RNFT2: variants seen among roughly 807,000 people sequenced by gnomAD.
RNFT2 encodes the protein E3 ubiquitin-protein ligase RNFT2.
RNFT2 carries 36 observed loss-of-function variants against 53.0 expected under a neutral mutation model. The observed-to-expected ratio is 0.68, with a 90% CI of 0.52 to 0.90. The LOEUF (loss-of-function observed/expected upper bound fraction) is 0.90. Among genes scored for constraint, RNFT2 ranks in the 40% least tolerant of loss-of-function variants. The pLI is 0.00. For missense variants in RNFT2, 514 were observed against 585.6 expected (o/e 0.88, Z 1.26); for synonymous variants, 260 against 253.2 (o/e 1.03, Z -0.26).
intron 3 of RNFT2, 82 bp downstream of exon 3, chr12:116,741,176 C>T: frequency 1.9e-6 from 2 of 1,059,228 alleles, no homozygotes; most frequent in Admixed American, 4.0e-5. Flanking sequence ...TTGAACAATA[C>T]CTCACCCTCA....
chr12:116,818,760 G>GT (rs1460826675), intron 7 of RNFT2, among the ~76,000 whole-genome samples: 20 of 152,218 alleles, frequency 1.3e-4, no homozygotes, highest in Non-Finnish European at 7.3e-5. Context: ...TCTGCAGCAA[G>GT]TAACTTGACC....
At chr12:116,739,154 C>G (rs1871470717) in intron 1 of RNFT2, among the ~76,000 whole-genome samples, 1 of 152,202 alleles carries the variant, frequency 6.6e-6, no homozygotes, top group Non-Finnish European at 1.5e-5. Context: ...CACCATCTGA[C>G]TGATATAGAC....
intron 10 of RNFT2, among the ~76,000 whole-genome samples, chr12:116,845,252 A>C (rs1413340457): frequency 8.6e-6 from 1 of 115,682 alleles, no homozygotes; most frequent in Admixed American, 7.7e-5. Flanking sequence ...TCAAAAAAAA[A>C]AAAAAAATAT....
intron 10 of RNFT2, among the ~76,000 whole-genome samples, chr12:116,841,846 A>AAAATAT (rs1555210424): frequency 1.7e-4 from 4 of 23,334 alleles, no homozygotes; most frequent in Non-Finnish European, 3.0e-4. Context: ...TATATATATA[A>AAAATAT]ATATATATAA....
intron 5 of RNFT2, among the ~76,000 whole-genome samples, chr12:116,759,359 G>T (rs923461129): frequency 1.3e-5 from 2 of 152,076 alleles, no homozygotes; most frequent in South Asian, 4.1e-4. Flanking sequence ...TCTTTTTCAG[G>T]TAAATCAGGG....
intron 6 of RNFT2, among the ~76,000 whole-genome samples, chr12:116,768,832 G>A (rs1873040088): frequency 6.6e-6 from 1 of 151,274 alleles, no homozygotes; most frequent in Non-Finnish European, 1.5e-5. Flanking sequence ...CCAGGTTCAA[G>A]TGATTCTCCT....
At chr12:116,827,490 G>C (rs1876402792) in intron 7 of RNFT2, among the ~76,000 whole-genome samples, 1 of 151,952 alleles carries the variant, frequency 6.6e-6, no homozygotes, top group Non-Finnish European at 1.5e-5. Context: ...GAAATCCTGG[G>C]GATGTGTTAG....
intron 7 of RNFT2, among the ~76,000 whole-genome samples, chr12:116,784,515 C>T (rs1873847746): frequency 6.6e-6 from 1 of 152,154 alleles, no homozygotes; most frequent in Non-Finnish European, 1.5e-5. Context: ...GAGGCTCTTT[C>T]ATCTGGGGCC....
In RNFT2 at chr12:116,750,219, C is replaced by T. The variant is rs1285510659; in HGVS notation, c.462C>T (p.Ser154=). 2 of 1,606,618 alleles carry T rather than the reference C, an allele frequency of 1.2e-6. No individual in the cohort carries two copies. The highest frequency in any genetic ancestry group is 2.2e-5 in the East Asian group (1 of 44,774). Reference sequence around the variant, plus strand: ...CTGGGACGCCCGCCCCCGCCCTGTCCGAGCTGAAGGCTGTGATCTGCTGGC... The same window carrying T: ...CTGGGACGCCCGCCCCCGCCCTGTCTGAGCTGAAGGCTGTGATCTGCTGGC... The part of the protein sequence containing the change: ...EQPGTPAPAL[S]ELKAVICWLQ... The change falls in exon 4 of 11, where the codon TCC becomes TCT. Residue 154 remains serine (S), a synonymous_variant. Transcript: ENST00000257575.
chr12:116,843,492 CAAAAAAAAAAA>C (rs35687933), intron 10 of RNFT2, among the ~76,000 whole-genome samples: 1 of 65,132 alleles, frequency 1.5e-5, no homozygotes, highest in African/African-American at 6.4e-5. Context: ...GACTGTGTCT[CAAAAAAAAAAA>C]AAAAAAAAAA....
At chr12:116,827,171 G>C (rs1290775274) in intron 7 of RNFT2, among the ~76,000 whole-genome samples, 3 of 146,484 alleles carry the variant, frequency 2.0e-5, no homozygotes, top group African/African-American at 7.7e-5. Flanking sequence ...AGTGAGCCGA[G>C]ATCATGCCAC....
chr12:116,806,858 A>G (rs1875108462), intron 7 of RNFT2, among the ~76,000 whole-genome samples: 2 of 152,014 alleles, frequency 1.3e-5, no homozygotes, highest in South Asian at 4.1e-4. Context: ...CCTTACATTC[A>G]GTGAACCCCT....
At chr12:116,821,802 CTTTTTTTTTT>C (rs149043452) in intron 7 of RNFT2, among the ~76,000 whole-genome samples, 12 of 43,936 alleles carry the variant, frequency 2.7e-4, no homozygotes, top group East Asian at 8.9e-4. Flanking sequence ...CTACTTGTTT[CTTTTTTTTTT>C]TTTTTTTTTT....
At chr12:116,837,435 G>C (rs1877035531) in intron 10 of RNFT2, among the ~76,000 whole-genome samples, 2 of 152,166 alleles carry the variant, frequency 1.3e-5, no homozygotes, top group Non-Finnish European at 2.9e-5. Flanking sequence ...GGTTTTTGGA[G>C]GAGGCATAGC....
rs1164492666 is a variant in RNFT2, at chr12:116,850,456, C to T, written c.*1008C>T. 6.6e-6 allele frequency: 1 copy of T among 152,036 alleles called. No individual in the cohort carries two copies. The highest frequency in any genetic ancestry group is 1.9e-4 in the East Asian group (1 of 5,154). 9.4% of individuals were successfully genotyped at this position (152,036 alleles called of 1,614,324 possible). A position where few individuals can be genotyped will look rare whatever the true frequency, so the allele number is the denominator to read the frequency against. On this transcript the variant is annotated 3_prime_UTR_variant, in exon 11 of 11. Transcript: ENST00000257575. The stretch of plus-strand genomic sequence containing the variant: ...TGAGTGCTGGAATTACAGGTATGAG[C>T]CCCTGTGCCCAGCCCACCTGCTGGT...
At position 116,852,055 on chromosome 12, in the gene RNFT2, T is replaced by C. The variant is rs1877955432; in HGVS notation, c.*2607T>C. On this transcript the variant is annotated 3_prime_UTR_variant, in exon 11 of 11. Transcript: ENST00000257575. ...CTGTGATCTCTATGACAGAGCCACT[T>C]CTCCACCTCTGAAATGTTCCCTGCT... is the stretch of plus-strand genomic sequence containing the variant. 1 of 1,151,942 alleles carries C rather than the reference T, an allele frequency of 8.7e-7. No homozygotes were observed. Among genetic ancestry groups the C allele is most frequent in the African/African-American group, 1.6e-5 (1 of 64,080 alleles). 71.4% of individuals were successfully genotyped at this position (1,151,942 alleles called of 1,614,324 possible).
At chr12:116,819,012 T>C (rs531018275) in intron 7 of RNFT2, among the ~76,000 whole-genome samples, 1 of 152,334 alleles carries the variant, frequency 6.6e-6, no homozygotes, top group African/African-American at 2.4e-5. Flanking sequence ...TGCGCCACCC[T>C]TCCCTACGTG....
chr12:116,756,013 T>TG, intron 5 of RNFT2: 1 of 624,626 alleles, frequency 1.6e-6, no homozygotes. Context: ...CCTCCAGCTT[T>TG]TTCTTTTTGC....
At chr12:116,816,607 G>T (rs958474277) in intron 7 of RNFT2, among the ~76,000 whole-genome samples, 1 of 152,168 alleles carries the variant, frequency 6.6e-6, no homozygotes, top group African/African-American at 2.4e-5. Context: ...CATCTGTACA[G>T]ACATCAGAGA....
Sources: gnomAD v4.1 joint callset for allele counts (sites outside exome capture counted in the v4.1 genomes callset) on GRCh38, gnomAD v4.1.1 for gene constraint, MANE v1.5 for transcripts, NCBI Gene and HGNC (gene_info 2026-07-23, HGNC 2026-07-21) for gene names.